The following CAMTA1 variants were observed in gnomAD, a reference collection of about 807,000 sequenced individuals.
CAMTA1 encodes calmodulin binding transcription activator 1, also known as calmodulin-binding transcription activator 1.
A neutral mutation model predicts 170.9 loss-of-function variants in CAMTA1; 27 were observed. That is an observed-to-expected ratio of 0.16 (90% CI 0.12 to 0.22). The LOEUF is 0.22. Among genes scored for constraint, CAMTA1 ranks in the 10% least tolerant of loss-of-function variants. CAMTA1 has a pLI of 1.00. For synonymous variants in CAMTA1, 833 were observed against 891.5 expected, an observed-to-expected ratio of 0.93 and a Z score of 1.17; for missense variants, 1,619 against 2,217.2, an observed-to-expected ratio of 0.73 and a Z score of 5.42.
chr1:7,281,864 C>T (rs1671570794), intron 5 of CAMTA1, among the ~76,000 whole-genome samples: 1 of 143,448 alleles, frequency 7.0e-6, no homozygotes, highest in Non-Finnish European at 1.5e-5. Flanking sequence ...GAGTCTAAAT[C>T]CAAATTTCTA....
intron 6 of CAMTA1, among the ~76,000 whole-genome samples, chr1:7,594,110 A>G (rs1012497931): frequency 9.4e-5 from 14 of 149,532 alleles, no homozygotes; most frequent in African/African-American, 3.5e-4. Context: ...GAAGAAAGAA[A>G]GAAAGAGAGA....
chr1:7,288,092 C>T lies in CAMTA1; in HGVS notation c.438+38466C>T, dbSNP rs554020719. The stretch of plus-strand genomic sequence containing the variant: ...CCATGGACCAGGTGCTATTATTATC[C>T]GTATTACGTATGGATAACTTGAAGT... On this transcript the variant is annotated intron_variant, in intron 5 of 22. Coordinates refer to ENST00000303635, the MANE Select transcript of CAMTA1 (RefSeq NM_015215.4). Among the ~76,000 whole-genome samples the T allele has an allele frequency of 8.5e-5, 13 of 152,236 alleles. 1 individual carries two copies. In the South Asian group the frequency reaches 1.7e-3, roughly 19 times the overall value.
At chr1:7,288,714 A>T (rs1449821776) in intron 5 of CAMTA1, among the ~76,000 whole-genome samples, 1 of 152,246 alleles carries the variant, frequency 6.6e-6, no homozygotes, top group Non-Finnish European at 1.5e-5. Context: ...CCTGGTGCCC[A>T]TGCAAAGCCC....
At chr1:6,798,665 C>T (rs911402667) in intron 1 of CAMTA1, among the ~76,000 whole-genome samples, 1 of 131,364 alleles carries the variant, frequency 7.6e-6, no homozygotes, top group Non-Finnish European at 1.6e-5. Context: ...GGCGCAATCT[C>T]GGCTCACTGC....
At chr1:7,441,597 A>T (rs567413229) in intron 5 of CAMTA1, 4 of 152,252 alleles carry the variant, frequency 2.6e-5, no homozygotes, top group Non-Finnish European at 4.4e-5. Flanking sequence ...GCTTGAAGTC[A>T]GCTTCCCGGA....
chr1:7,623,763 G>A (rs994977868), intron 6 of CAMTA1, among the ~76,000 whole-genome samples: 1 of 152,218 alleles, frequency 6.6e-6, no homozygotes. Flanking sequence ...CTCCCGAGGT[G>A]CTGGGATTAC....
At chr1:7,096,468 G>C (rs1199311859) in intron 4 of CAMTA1, among the ~76,000 whole-genome samples, 2 of 152,204 alleles carry the variant, frequency 1.3e-5, no homozygotes, top group African/African-American at 2.4e-5. Flanking sequence ...CCTGCATGAC[G>C]TATTATGATC....
rs908725811 is a variant in CAMTA1, at chr1:7,216,886, T to C, written c.303-32605T>C. On this transcript the variant is annotated intron_variant, in intron 4 of 22. Coordinates refer to ENST00000303635, the MANE Select transcript of CAMTA1 (RefSeq NM_015215.4). This position sits in a 1 kb window ranked among gnomAD's most constrained non-coding sequence, Gnocchi z 4.0. Reference sequence around the variant, plus strand: ...ATACTCATTATGGTTATATTTTTATTGTGGAATGTGATTTTTAGCATTAGA... The same window carrying C: ...ATACTCATTATGGTTATATTTTTATCGTGGAATGTGATTTTTAGCATTAGA... Among the ~76,000 whole-genome samples, 2 of 152,218 alleles carry C rather than the reference T, an allele frequency of 1.3e-5. No homozygotes were observed. The highest frequency in any genetic ancestry group is 2.9e-5 in the Non-Finnish European group (2 of 68,038).
chr1:7,572,687 C>T (rs1347867117), intron 6 of CAMTA1, among the ~76,000 whole-genome samples: 1 of 152,188 alleles, frequency 6.6e-6, no homozygotes, highest in Non-Finnish European at 1.5e-5. Context: ...GCTCCATCCC[C>T]GTGACTCAAT....
chr1:6,838,309 C>G (rs977662753), intron 3 of CAMTA1, among the ~76,000 whole-genome samples: 8 of 152,144 alleles, frequency 5.3e-5, no homozygotes, highest in African/African-American at 1.9e-4. Context: ...AATGGATTCC[C>G]ACAACCACGG....
intron 12 of CAMTA1, among the ~76,000 whole-genome samples, chr1:7,734,471 G>T (rs1468748563): frequency 6.6e-6 from 1 of 151,998 alleles, no homozygotes; most frequent in African/African-American, 2.4e-5. Context: ...CCTTTCATCA[G>T]TTTAAGTTGC....
Position 7,249,451 on chromosome 1 carries a change from A to G in CAMTA1, c.303-40A>G, listed in dbSNP as rs1373597509. ...ATCTTTCTTCATAAATTTTTCTTCT[A>G]CTTGGTACTCTTGGTAACTTAACCA... On this transcript the variant is annotated intron_variant, in intron 4 of 22. Coordinates refer to ENST00000303635, the MANE Select transcript of CAMTA1 (RefSeq NM_015215.4). This position sits in a 1 kb window ranked among gnomAD's most constrained non-coding sequence, Gnocchi z 4.4. The G allele has an allele frequency of 2.5e-6, 4 of 1,581,946 alleles. No individual in the cohort carries two copies. Among genetic ancestry groups the G allele is most frequent in the Non-Finnish European group, 3.4e-6 (4 of 1,160,860 alleles).
chr1:6,865,543 C>T (rs904840656), intron 3 of CAMTA1, among the ~76,000 whole-genome samples: 1 of 152,164 alleles, frequency 6.6e-6, no homozygotes, highest in Non-Finnish European at 1.5e-5. Flanking sequence ...TACCCGTCTG[C>T]AAAAATGTGG....
At chr1:7,447,224 C>T (rs548932230) in intron 5 of CAMTA1, among the ~76,000 whole-genome samples, 2 of 152,002 alleles carry the variant, frequency 1.3e-5, no homozygotes, top group Middle Eastern at 3.4e-3. Context: ...ACACGTGGTG[C>T]GCGTGGATGG....
intron 5 of CAMTA1, among the ~76,000 whole-genome samples, chr1:7,449,180 A>G (rs2092751996): frequency 6.6e-6 from 1 of 152,222 alleles, no homozygotes; most frequent in Admixed American, 6.5e-5. Flanking sequence ...TCTGGATTCT[A>G]GACAAACCAC....
chr1:7,550,267 C>T (rs928788676), intron 6 of CAMTA1, among the ~76,000 whole-genome samples: 1 of 152,104 alleles, frequency 6.6e-6, no homozygotes, highest in African/African-American at 2.4e-5. Flanking sequence ...GCAGATCTTT[C>T]TTTGGAGACC....
chr1:6,823,234 T>G lies in CAMTA1; in HGVS notation c.116-1858T>G, dbSNP rs561447498. 5.7e-4 allele frequency among the ~76,000 whole-genome samples: 87 copies of G among 152,196 alleles called. No homozygotes were observed. In the South Asian group the frequency reaches 9.5e-3, roughly 17 times the overall value. On this transcript the variant is annotated intron_variant, in intron 2 of 22. Transcript: ENST00000303635. ...CTCACGTGATCTGGTATTCTCTGCT[T>G]TAAAGTTTTATGGCCCGTGGAACCT...
chr1:7,095,394 C>T (rs115997287), intron 4 of CAMTA1, among the ~76,000 whole-genome samples: 1 of 152,280 alleles, frequency 6.6e-6, no homozygotes, highest in African/African-American at 2.4e-5. Context: ...CAGGATTGTC[C>T]GGTTGAGCCA....
intron 3 of CAMTA1, among the ~76,000 whole-genome samples, chr1:7,003,858 T>G (rs1172080089): frequency 1.3e-5 from 2 of 152,206 alleles, no homozygotes; most frequent in African/African-American, 4.8e-5. Context: ...ATAGGAGTTG[T>G]GAGAGGTGGG....
Sources: allele counts gnomAD v4.1 joint callset (sites outside exome capture counted in the v4.1 genomes callset), GRCh38; gene constraint gnomAD v4.1.1; non-coding constraint Gnocchi (gnomAD v3.1); transcripts MANE v1.5; gene names NCBI Gene and HGNC (gene_info 2026-07-23, HGNC 2026-07-21).